Variants in AFAP1L2 observed in about 807,000 individuals in gnomAD.
The protein encoded by AFAP1L2 is actin filament-associated protein 1-like 2.
A neutral mutation model predicts 99.3 loss-of-function variants in AFAP1L2; 46 were observed. That is an observed-to-expected ratio of 0.46 (90% CI 0.37 to 0.59). The LOEUF (loss-of-function observed/expected upper bound fraction) is 0.59. AFAP1L2 is among the 20% of genes least tolerant of loss of function. AFAP1L2 has a pLI of 0.00. For synonymous variants in AFAP1L2, 397 were observed against 419.1 expected, an observed-to-expected ratio of 0.95 and a Z score of 0.64; for missense variants, 959 against 1,034.9, an observed-to-expected ratio of 0.93 and a Z score of 1.01.
intron 1 of AFAP1L2, among the ~76,000 whole-genome samples, chr10:114,403,925 G>C (rs1324224242): frequency 6.6e-6 from 1 of 152,198 alleles, no homozygotes; most frequent in African/African-American, 2.4e-5. Flanking sequence ...AGGACGTTTG[G>C]GGAGGCCCCA....
chr10:114,304,686 G>C (rs1240378789), intron 11 of AFAP1L2, 33 bp downstream of exon 11: 7 of 1,551,286 alleles, frequency 4.5e-6, no homozygotes, highest in Non-Finnish European at 5.2e-6. Flanking sequence ...CCACACCCTG[G>C]CTGGCCCTGC....
chr10:114,337,165 A>G (rs1458017135), intron 2 of AFAP1L2, among the ~76,000 whole-genome samples: 1 of 152,234 alleles, frequency 6.6e-6, no homozygotes, highest in Non-Finnish European at 1.5e-5. Context: ...CTGCAGTGCA[A>G]TGGAGCAGGG....
At chr10:114,296,113 A>G in intron 18 of AFAP1L2, 45 bp from the exon 19 acceptor site, 1 of 1,613,470 alleles carries the variant, frequency 6.2e-7, no homozygotes, top group Non-Finnish European at 8.5e-7. Context: ...CACCAAAAAG[A>G]TAGTTAGTTA....
chr10:114,303,111 A>C (rs1475683381), intron 11 of AFAP1L2, among the ~76,000 whole-genome samples: 1 of 152,166 alleles, frequency 6.6e-6, no homozygotes, highest in Non-Finnish European at 1.5e-5. Flanking sequence ...TGGGTACCTC[A>C]ATTAAAATGT....
chr10:114,296,738 T>G (rs1165249527), intron 18 of AFAP1L2: 7 of 514,626 alleles, frequency 1.4e-5, no homozygotes, highest in Non-Finnish European at 2.4e-5. Context: ...GGGCAAGAAC[T>G]GAAGCATCCC....
At chr10:114,306,706 G>T (rs112414591) in intron 10 of AFAP1L2, among the ~76,000 whole-genome samples, 3,657 of 151,940 alleles carry the variant, frequency 0.024, 137 homozygotes, top group African/African-American at 0.082. Flanking sequence ...AGATCATTAA[G>T]CACCCCCAGT....
At chr10:114,289,463 A>G in the AFAP1L2 span, 1 of 1,614,194 alleles carries the variant, frequency 6.2e-7, no homozygotes, top group Non-Finnish European at 8.5e-7. Flanking sequence ...TACCACCAGG[A>G]CGTGCTCATT....
chr10:114,313,083 A>G (rs972349519), intron 7 of AFAP1L2, among the ~76,000 whole-genome samples: 1 of 150,980 alleles, frequency 6.6e-6, no homozygotes, highest in African/African-American at 2.4e-5. Flanking sequence ...GGTGGATAGA[A>G]CGCTTCTGGG....
At chr10:114,397,654 G>A (rs1030137393) in intron 1 of AFAP1L2, among the ~76,000 whole-genome samples, 4 of 152,188 alleles carry the variant, frequency 2.6e-5, no homozygotes, top group East Asian at 3.8e-4. Context: ...AAGCAAGCCC[G>A]GAAGGCTGGT....
chr10:114,361,211 G>A (rs1354635338), intron 1 of AFAP1L2, among the ~76,000 whole-genome samples: 3 of 152,078 alleles, frequency 2.0e-5, no homozygotes, highest in Non-Finnish European at 2.9e-5. Flanking sequence ...CCCACAACAC[G>A]TGGGAATTCA....
In AFAP1L2 at chr10:114,329,940, C is replaced by T. The variant is rs182632123; in HGVS notation, c.315+1863G>A. Among the ~76,000 whole-genome samples, 335 of 152,228 alleles carry T rather than the reference C, an allele frequency of 2.2e-3. 1 individual carries two copies. Among genetic ancestry groups the T allele is most frequent in the African/African-American group, 7.8e-3 (323 of 41,550 alleles). On this transcript the variant is annotated intron_variant, in intron 4 of 18. Transcript: ENST00000304129. ...AACAGTGACAAAAATACCCATCCCT[C>T]GATGGGTGGTGGGCGGATGGTGTGT...
At chr10:114,336,933 T>C (rs2048061300) in intron 2 of AFAP1L2, among the ~76,000 whole-genome samples, 1 of 152,176 alleles carries the variant, frequency 6.6e-6, no homozygotes, top group Non-Finnish European at 1.5e-5. Context: ...GAAGTGTAAA[T>C]GCACACATAC....
chr10:114,334,814 G>T lies in AFAP1L2; in HGVS notation c.146-1519C>A, dbSNP rs77632714. ...AGAGGGGAAAAGTGCCCTGCAGGGAGAGGCAGGAGACGGGGTCTCAACCAA... is the reference window on the plus strand; with the variant it reads ...AGAGGGGAAAAGTGCCCTGCAGGGATAGGCAGGAGACGGGGTCTCAACCAA... On this transcript the variant is annotated intron_variant, in intron 2 of 18. Transcript: ENST00000304129. 5.3e-3 allele frequency among the ~76,000 whole-genome samples: 814 copies of T among 152,374 alleles called. 4 individuals carry two copies. The highest frequency in any genetic ancestry group is 8.0e-3 in the Non-Finnish European group (542 of 68,034).
At chr10:114,359,516 G>A (rs2051904919) in intron 1 of AFAP1L2, among the ~76,000 whole-genome samples, 1 of 152,302 alleles carries the variant, frequency 6.6e-6, no homozygotes, top group African/African-American at 2.4e-5. Flanking sequence ...ATCTGCAAAT[G>A]GATCAACTTT....
chr10:114,352,230 G>C (rs928673938), intron 1 of AFAP1L2, among the ~76,000 whole-genome samples: 2 of 152,106 alleles, frequency 1.3e-5, no homozygotes, highest in African/African-American at 4.8e-5. Context: ...CCAGCACTTT[G>C]GGCGGCCAAG....
chr10:114,286,540 G>T, the AFAP1L2 span: 1 of 1,509,180 alleles, frequency 6.6e-7, no homozygotes, highest in East Asian at 2.3e-5. Context: ...ACCCAGGACC[G>T]CTGGTCAGTG....
chr10:114,373,302 T>C (rs2054368174), intron 1 of AFAP1L2, among the ~76,000 whole-genome samples: 1 of 152,144 alleles, frequency 6.6e-6, no homozygotes, highest in Non-Finnish European at 1.5e-5. Flanking sequence ...GAAATGCATG[T>C]CAACGAGGAA....
intron 15 of AFAP1L2, among the ~76,000 whole-genome samples, chr10:114,299,717 G>A (rs1026980034): frequency 6.6e-6 from 1 of 152,212 alleles, no homozygotes; most frequent in Non-Finnish European, 1.5e-5. Context: ...GACTGGGAGA[G>A]GCAGACCCGC....
intron 1 of AFAP1L2, among the ~76,000 whole-genome samples, chr10:114,371,291 G>A (rs1254587919): frequency 1.3e-5 from 2 of 152,140 alleles, no homozygotes; most frequent in East Asian, 1.9e-4. Flanking sequence ...CTGAGAAGGT[G>A]ATGGAAAGGA....
Sources: allele counts gnomAD v4.1 joint callset (sites outside exome capture counted in the v4.1 genomes callset), GRCh38; gene constraint gnomAD v4.1.1; transcripts MANE v1.5; gene names NCBI Gene and HGNC (gene_info 2026-07-23, HGNC 2026-07-21).